The following GALNT18 variants were observed in gnomAD, a reference collection of about 807,000 sequenced individuals.
GALNT18 encodes the protein polypeptide N-acetylgalactosaminyltransferase 18, also known as GalNAc-transferase 18.
GALNT18 carries 44 observed loss-of-function variants against 69.5 expected under a neutral mutation model. That is an observed-to-expected ratio of 0.63 (90% CI 0.50 to 0.81). GALNT18 has a LOEUF of 0.81. Among genes scored for constraint, GALNT18 ranks in the 40% least tolerant of loss-of-function variants. The probability of loss-of-function intolerance (pLI) is 0.00; values close to 1 mark genes in which losing one functional copy is unlikely to be tolerated. For synonymous variants in GALNT18, 364 were observed against 318.2 expected (o/e 1.14, Z -1.53); for missense variants, 715 against 810.0 (o/e 0.88, Z 1.42).
In GALNT18 at chr11:11,404,874, C is replaced by T. The variant is rs761172124; in HGVS notation, c.596-25610G>A. Among the ~76,000 whole-genome samples the T allele has an allele frequency of 9.1e-4, 139 of 152,188 alleles. No homozygotes were observed. The highest frequency in any genetic ancestry group is 1.2e-3 in the Non-Finnish European group (83 of 68,036). ...CACACCTAACCCAGACCTCAGCAGA[C>T]CCGGACTCCACTCCCAGCCCATGGC... On this transcript the variant is annotated intron_variant, in intron 3 of 10. Coordinates refer to ENST00000227756, the MANE Select transcript of GALNT18 (RefSeq NM_198516.3). This position sits in a 1 kb window ranked among gnomAD's most constrained non-coding sequence, Gnocchi z 4.5.
chr11:11,609,702 T>G (rs1859849243), intron 1 of GALNT18, among the ~76,000 whole-genome samples: 1 of 152,148 alleles, frequency 6.6e-6, no homozygotes, highest in Non-Finnish European at 1.5e-5. Context: ...TGGTTTTATT[T>G]CCTCCCATTC....
Position 11,583,352 on chromosome 11 carries a change from G to A in GALNT18, c.235+38007C>T, listed in dbSNP as rs1190672570. Among the ~76,000 whole-genome samples the A allele has an allele frequency of 6.6e-6, 1 of 152,164 alleles. No homozygotes were observed. The highest frequency in any genetic ancestry group is 1.5e-5 in the Non-Finnish European group (1 of 68,036). ...GGATGGTGACCTATCAGATGCCTTTGGGTCCTCCAGAGCAGCTGACCAGTG... is the reference window on the plus strand; with the variant it reads ...GGATGGTGACCTATCAGATGCCTTTAGGTCCTCCAGAGCAGCTGACCAGTG... On this transcript the variant is annotated intron_variant, in intron 1 of 10. Coordinates refer to ENST00000227756, the MANE Select transcript of GALNT18 (RefSeq NM_198516.3). This position sits in a 1 kb window ranked among gnomAD's most constrained non-coding sequence, Gnocchi z 4.7.
At chr11:11,488,530 T>C (rs1856690221) in intron 1 of GALNT18, among the ~76,000 whole-genome samples, 1 of 152,142 alleles carries the variant, frequency 6.6e-6, no homozygotes, top group African/African-American at 2.4e-5. Context: ...TTATGGAGAT[T>C]AGGATGTGGA....
rs1850540833 is a variant in GALNT18, at chr11:11,356,951, C to A, written c.1092+15564G>T. ...CTACTCAGCTGCTGGTTTGTAATTG[C>A]AAAGAGTCACTCCACGGCTGGCTGG... is the stretch of plus-strand genomic sequence containing the variant. On this transcript the variant is annotated intron_variant, in intron 6 of 10. Coordinates refer to ENST00000227756, the MANE Select transcript of GALNT18 (RefSeq NM_198516.3). The surrounding 1 kb of genome is among the most constrained non-coding windows in gnomAD (Gnocchi z 4.4). Among the ~76,000 whole-genome samples, 1 of 152,176 alleles carries A rather than the reference C, an allele frequency of 6.6e-6. No individual in the cohort carries two copies. Among genetic ancestry groups the A allele is most frequent in the Non-Finnish European group, 1.5e-5 (1 of 68,030 alleles).
chr11:11,437,066 G>T (rs1178360580), intron 2 of GALNT18, among the ~76,000 whole-genome samples: 2 of 152,090 alleles, frequency 1.3e-5, no homozygotes, highest in African/African-American at 4.8e-5. Context: ...CTCGCCCAGA[G>T]CCTCCCTCCC....
At chr11:11,532,125 C>T (rs1176720478) in intron 1 of GALNT18, among the ~76,000 whole-genome samples, 1 of 152,064 alleles carries the variant, frequency 6.6e-6, no homozygotes, top group East Asian at 1.9e-4. Flanking sequence ...AAATGATTAG[C>T]CTAGGTCTCT....
rs1231406495 is a variant in GALNT18 at position 11,383,850 on chromosome 11, TC to T, written c.596-4587del. On this transcript the variant is annotated intron_variant, in intron 3 of 10. Transcript: ENST00000227756. The surrounding 1 kb of genome is among the most constrained non-coding windows in gnomAD (Gnocchi z 5.2). ...CTCTCTCTCTCTCTCTGTCTCTCTCTCCCTCTCTCTCCTGCCACCTTGTGAA... is the reference window on the plus strand; with the variant it reads ...CTCTCTCTCTCTCTCTGTCTCTCTCTCCTCTCTCTCCTGCCACCTTGTGAA... 6.6e-6 allele frequency among the ~76,000 whole-genome samples: 1 copy of T among 152,008 alleles called. No homozygotes were observed. Among genetic ancestry groups the T allele is most frequent in the Non-Finnish European group, 1.5e-5 (1 of 67,998 alleles).
rs190037096 is a variant in GALNT18 at position 11,292,990 on chromosome 11, A to T, written c.1677+39T>A. 9.6e-5 allele frequency: 129 copies of T among 1,338,484 alleles called. No individual in the cohort carries two copies. The East Asian group carries it at 3.0e-3, about 31-fold the overall frequency. The allele number at this position is 1,338,484 out of a possible 1,614,324, so 82.9% of individuals were successfully genotyped here. On this transcript the variant is annotated intron_variant, in intron 10 of 10. Transcript: ENST00000227756. ...CCTGAGGCCACTCTCCTGGTTTTCC[A>T]CGATGGCTGCCACTGTGCCCGGGCT...
At chr11:11,329,618 C>G (rs1849985048) in intron 8 of GALNT18, among the ~76,000 whole-genome samples, 1 of 152,230 alleles carries the variant, frequency 6.6e-6, no homozygotes, top group East Asian at 1.9e-4. Context: ...CAGGGTAGCA[C>G]TTAGCAGGTT....
chr11:11,553,170 C>T (rs371384496), intron 1 of GALNT18, among the ~76,000 whole-genome samples: 130 of 152,302 alleles, frequency 8.5e-4, no homozygotes, highest in Middle Eastern at 3.4e-3. Flanking sequence ...CAGGTGACTC[C>T]GACCTACTCT....
chr11:11,594,782 T>A (rs976112438), intron 1 of GALNT18, among the ~76,000 whole-genome samples: 7 of 147,516 alleles, frequency 4.7e-5, no homozygotes, highest in South Asian at 2.1e-4. Context: ...GTGTACAAGT[T>A]TTTGTGTAGA....
intron 1 of GALNT18, among the ~76,000 whole-genome samples, chr11:11,479,881 A>G (rs1440336299): frequency 6.6e-6 from 1 of 152,170 alleles, no homozygotes; most frequent in African/African-American, 2.4e-5. Flanking sequence ...CATTTAAAAT[A>G]GCTATGCTCT....
At chr11:11,277,517 C>T (rs1464272071) in intron 10 of GALNT18, among the ~76,000 whole-genome samples, 2 of 152,232 alleles carry the variant, frequency 1.3e-5, no homozygotes, top group East Asian at 3.9e-4. Context: ...CTGCTCTGAT[C>T]TTAGTTATTT....
intron 3 of GALNT18, among the ~76,000 whole-genome samples, chr11:11,429,770 C>T (rs1855224465): frequency 6.6e-6 from 1 of 152,188 alleles, no homozygotes; most frequent in South Asian, 2.1e-4. Context: ...GCACTGGACA[C>T]CAAATATGTT....
chr11:11,607,227 G>A (rs925796543), intron 1 of GALNT18, among the ~76,000 whole-genome samples: 10 of 152,152 alleles, frequency 6.6e-5, no homozygotes, highest in Non-Finnish European at 1.3e-4. Context: ...GCTGGCTCTT[G>A]TTGAAAAATA....
At chr11:11,559,010 G>A (rs1046753975) in intron 1 of GALNT18, among the ~76,000 whole-genome samples, 5 of 152,142 alleles carry the variant, frequency 3.3e-5, no homozygotes, top group African/African-American at 1.2e-4. Context: ...CTTCAGAAAC[G>A]GTGTTTCACC....
chr11:11,273,748 T>G (rs1212092155), intron 10 of GALNT18, among the ~76,000 whole-genome samples: 2 of 152,192 alleles, frequency 1.3e-5, no homozygotes, highest in South Asian at 4.1e-4. Flanking sequence ...CACTCCCATG[T>G]TTATTGCAGC....
Position 11,497,065 on chromosome 11 carries a change from G to T in GALNT18, c.236-48129C>A, listed in dbSNP as rs1856878108. Among the ~76,000 whole-genome samples, 1 of 152,016 alleles carries T rather than the reference G, an allele frequency of 6.6e-6. No homozygotes were observed. The highest frequency in any genetic ancestry group is 2.4e-5 in the African/African-American group (1 of 41,368). ...GCCACATGGGCCTTCCTGCTTCCAG[G>T]CTCATTCCCACCTCAGGGCCTTTGC... On this transcript the variant is annotated intron_variant, in intron 1 of 10. Transcript: ENST00000227756. The surrounding 1 kb of genome is among the most constrained non-coding windows in gnomAD (Gnocchi z 4.2).
chr11:11,326,858 T>C (rs1849930367), intron 9 of GALNT18, among the ~76,000 whole-genome samples: 1 of 152,210 alleles, frequency 6.6e-6, no homozygotes, highest in African/African-American at 2.4e-5. Flanking sequence ...TGGAGGATCC[T>C]GGAGTCATAG....
Sources: allele counts gnomAD v4.1 joint callset (sites outside exome capture counted in the v4.1 genomes callset), GRCh38; gene constraint gnomAD v4.1.1; non-coding constraint Gnocchi (gnomAD v3.1); transcripts MANE v1.5; gene names NCBI Gene and HGNC (gene_info 2026-07-23, HGNC 2026-07-21).